CHRNB2: variants seen among roughly 807,000 people sequenced by gnomAD.
The protein encoded by CHRNB2 is neuronal acetylcholine receptor subunit beta-2.
In CHRNB2, 33 loss-of-function variants were observed where a neutral mutation model predicts 42.7. The ratio of observed to expected loss-of-function variants is 0.77; its 90% CI spans 0.59 to 1.03. The LOEUF (loss-of-function observed/expected upper bound fraction) is 1.03. Among genes scored for constraint, CHRNB2 ranks in the 50% least tolerant of loss-of-function variants. The pLI, the probability that CHRNB2 is intolerant of heterozygous loss-of-function variation, is 0.00. For missense variants in CHRNB2, 603 were observed against 700.9 expected, an observed-to-expected ratio of 0.86 and a Z score of 1.58; for synonymous variants, 325 against 292.9, an observed-to-expected ratio of 1.11 and a Z score of -1.12.
Position 154,571,683 on chromosome 1 carries a change from TG to T in CHRNB2, c.861del (p.Pro288LeufsTer48). 11 of 1,612,116 alleles carry T rather than the reference TG, an allele frequency of 6.8e-6. No homozygotes were observed. The highest frequency in any genetic ancestry group is 9.3e-6 in the Non-Finnish European group (11 of 1,179,090). ...TVFLLLISKI[V>X]PPTSLDVPLV... ...TTCCTGCTGCTCATCTCCAAGATCG[TG>T]CCTCCCACCTCCCTCGACGTGCCGC... On this transcript the variant is annotated frameshift_variant, in exon 5 of 6. Transcript: ENST00000368476. LOFTEE classifies it high-confidence loss of function. The surrounding 1 kb of genome is among the most constrained non-coding windows in gnomAD (Gnocchi z 6.8).
In CHRNB2 at chr1:154,569,892, T is replaced by C. The variant is rs1445707232; in HGVS notation, c.255+56T>C. On this transcript the variant is annotated intron_variant, in intron 3 of 5. Coordinates refer to ENST00000368476, the MANE Select transcript of CHRNB2 (RefSeq NM_000748.3). ...CCCTGGCCTTCTCTCTCCTCCTTTT[T>C]CCCCATGTGCTTTTTTCTTTCTTAA... The C allele has an allele frequency of 1.6e-5, 26 of 1,596,828 alleles. No individual in the cohort carries two copies. The South Asian group carries it at 2.5e-4, about 16-fold the overall frequency.
rs200963221 is a variant in CHRNB2 at position 154,576,036 on chromosome 1, C to T, written c.*104C>T. 64 of 1,428,990 alleles carry T rather than the reference C, an allele frequency of 4.5e-5. 1 individual carries two copies. In the East Asian group the frequency reaches 9.6e-4, roughly 21 times the overall value. 88.5% of individuals were successfully genotyped at this position (1,428,990 alleles called of 1,614,324 possible). A position where few individuals can be genotyped will look rare whatever the true frequency, so the allele number is the denominator to read the frequency against. On this transcript the variant is annotated 3_prime_UTR_variant, in exon 6 of 6. Coordinates refer to ENST00000368476, the MANE Select transcript of CHRNB2 (RefSeq NM_000748.3). Reference sequence around the variant, plus strand: ...AGCTACCAGGAAGAGGGGCGCTGCCCCCACAGATCCATCCTTTTGCTTCAT... The same window carrying T: ...AGCTACCAGGAAGAGGGGCGCTGCCTCCACAGATCCATCCTTTTGCTTCAT...
In CHRNB2 at chr1:154,569,619, T is replaced by A. The variant is rs1292973756; in HGVS notation, c.210+12T>A. The A allele has an allele frequency of 6.2e-7, 1 of 1,613,860 alleles. No individual in the cohort carries two copies. Among genetic ancestry groups the A allele is most frequent in the East Asian group, 2.2e-5 (1 of 44,892 alleles). ...AGCTCATCAGTGTGGTGAGTAGAGG[T>A]CCCAGGCTCTCTGCCCAGCTACTGA... On this transcript the variant is annotated intron_variant, in intron 2 of 5. Transcript: ENST00000368476.
In CHRNB2 at chr1:154,567,909, C is replaced by T. The variant is rs923888496; in HGVS notation, c.-136C>T. 7.1e-6 allele frequency: 5 copies of T among 709,184 alleles called. No homozygotes were observed. Among genetic ancestry groups the T allele is most frequent in the Non-Finnish European group, 1.0e-5 (5 of 481,500 alleles). The allele number at this position is 709,184 out of a possible 1,614,324, so 43.9% of individuals were successfully genotyped here. ...CGGCTCCCTGAGGCCCAGGAACCAC[C>T]GCGGCGGCCGGCACCACCTGGACCC... On this transcript the variant is annotated 5_prime_UTR_variant, in exon 1 of 6. Transcript: ENST00000368476.
intron 5 of CHRNB2, among the ~76,000 whole-genome samples, chr1:154,572,624 T>C (rs954168780): frequency 6.6e-6 from 1 of 151,850 alleles, no homozygotes; most frequent in African/African-American, 2.4e-5. Context: ...GGGGGCAACA[T>C]TGAGGACAGT....
At chr1:154,569,886 C>T in intron 3 of CHRNB2, 50 bp downstream of exon 3, 1 of 1,603,392 alleles carries the variant, frequency 6.2e-7, no homozygotes, top group Non-Finnish European at 8.5e-7. Context: ...TCTCTCTCCT[C>T]CTTTTTCCCC....
chr1:154,572,104 G>T lies in CHRNB2; in HGVS notation c.1281G>T (p.Ala427=). The T allele has an allele frequency of 1.3e-6, 2 of 1,536,904 alleles. No homozygotes were observed. Among genetic ancestry groups the T allele is most frequent in the Non-Finnish European group, 1.7e-6 (2 of 1,146,604 alleles). Residue 427 remains alanine (A), a synonymous_variant, in exon 5 of 6, where the codon GCG becomes GCT. Coordinates refer to ENST00000368476, the MANE Select transcript of CHRNB2 (RefSeq NM_000748.3). ...CGTGTGGCTGTGGCCTCCGGGAGGCGGTGGACGGCGTGCGCTTCATCGCAG... is the reference window on the plus strand; with the variant it reads ...CGTGTGGCTGTGGCCTCCGGGAGGCTGTGGACGGCGTGCGCTTCATCGCAG... The part of the protein sequence containing the change: ...GEPCGCGLRE[A]VDGVRFIADH...
At chr1:154,573,911 G>A (rs1696221791) in intron 5 of CHRNB2, among the ~76,000 whole-genome samples, 1 of 152,112 alleles carries the variant, frequency 6.6e-6, no homozygotes, top group Admixed American at 6.5e-5. Flanking sequence ...ACCACGCCCA[G>A]CTAATTTTTT....
At position 154,576,157 on chromosome 1, in the gene CHRNB2, G is replaced by T. The variant is rs1240068700; in HGVS notation, c.*225G>T. On this transcript the variant is annotated 3_prime_UTR_variant, in exon 6 of 6. Transcript: ENST00000368476. ...TTGTTTTGGCTGCTCTCCATCTCTTGTACCAGCCCAGGCAATAGTGTTGAG... is the reference window on the plus strand; with the variant it reads ...TTGTTTTGGCTGCTCTCCATCTCTTTTACCAGCCCAGGCAATAGTGTTGAG... 4 of 600,574 alleles carry T rather than the reference G, an allele frequency of 6.7e-6. No individual in the cohort carries two copies. The African/African-American group carries it at 7.3e-5, about 11-fold the overall frequency. 37.2% of individuals were successfully genotyped at this position (600,574 alleles called of 1,614,324 possible). A position where few individuals can be genotyped will look rare whatever the true frequency, so the allele number is the denominator to read the frequency against.
chr1:154,571,362 G>T lies in CHRNB2; in HGVS notation c.539G>T (p.Arg180Leu). The T allele has an allele frequency of 4.3e-6, 7 of 1,614,200 alleles. No homozygotes were observed. Among genetic ancestry groups the T allele is most frequent in the Non-Finnish European group, 5.1e-6 (6 of 1,180,042 alleles). ...AAGTTCCGTTCGTGGACCTACGACC[G>T]CACAGAGATCGACTTGGTGCTGAAG... ...TMKFRSWTYD[R>L]TEIDLVLKSE... The change falls in exon 5 of 6, where the codon CGC becomes CTC. Residue 180 changes from arginine (R) to leucine (L), a missense_variant. Transcript: ENST00000368476. This position sits in a 1 kb window ranked among gnomAD's most constrained non-coding sequence, Gnocchi z 6.8.
rs1696265887 is a variant in CHRNB2 at position 154,575,978 on chromosome 1, G to A, written c.*46G>A. ...CTCTTTCACCCTGCCACCCTCTGCT[G>A]CACAGTAGTGTTGGGTGGAGGATGG... On this transcript the variant is annotated 3_prime_UTR_variant, in exon 6 of 6. Transcript: ENST00000368476. 1 of 1,608,976 alleles carries A rather than the reference G, an allele frequency of 6.2e-7. No individual in the cohort carries two copies.
In CHRNB2 at chr1:154,571,746, T is replaced by C. The variant is rs281865070; in HGVS notation, c.923T>C (p.Val308Ala). Residue 308 changes from valine to alanine, a missense_variant, in exon 5 of 6, where the codon GTC (valine) becomes GCC (alanine). Physicochemically the swap from Val to Ala is moderately conservative, Grantham distance 64. This residue lies in a region of CHRNB2 where 333 missense variants were observed against 452.6 expected (regional missense o/e 0.74). Transcript: ENST00000368476. The surrounding 1 kb of genome is among the most constrained non-coding windows in gnomAD (Gnocchi z 6.8). ...GKYLMFTMVL[V>A]TFSIVTSVCV... ...TACCTCATGTTCACCATGGTGCTTG[T>C]CACCTTCTCCATCGTCACCAGCGTG... 4 of 1,614,220 alleles carry C rather than the reference T, an allele frequency of 2.5e-6. No homozygotes were observed. The highest frequency in any genetic ancestry group is 3.4e-6 in the Non-Finnish European group (4 of 1,180,034).
In CHRNB2 at chr1:154,571,188, G is replaced by C; in HGVS notation, c.366-1G>C. The C allele has an allele frequency of 6.2e-7, 1 of 1,614,148 alleles. No homozygotes were observed. The highest frequency in any genetic ancestry group is 8.5e-7 in the Non-Finnish European group (1 of 1,180,032). ...GGCTGACTGTGCCCATCCTTTGGCAGTGCTGACGGCATGTACGAGGTGTCC... is the reference window on the plus strand; with the variant it reads ...GGCTGACTGTGCCCATCCTTTGGCACTGCTGACGGCATGTACGAGGTGTCC... On this transcript the variant is annotated splice_acceptor_variant, in intron 4 of 5. Transcript: ENST00000368476. LOFTEE classifies it high-confidence loss of function. This position sits in a 1 kb window ranked among gnomAD's most constrained non-coding sequence, Gnocchi z 6.8.
Position 154,571,400 on chromosome 1 carries a change from A to T in CHRNB2, c.577A>T (p.Ser193Cys). Residue 193 changes from serine (S) to cysteine (C), a missense_variant, in exon 5 of 6, where the codon AGC becomes TGC. Coordinates refer to ENST00000368476, the MANE Select transcript of CHRNB2 (RefSeq NM_000748.3). This position sits in a 1 kb window ranked among gnomAD's most constrained non-coding sequence, Gnocchi z 6.8. The stretch of plus-strand genomic sequence containing the variant: ...CTTGGTGCTGAAGAGTGAGGTGGCC[A>T]GCCTGGACGACTTCACACCTAGTGG... ...IDLVLKSEVA[S>C]LDDFTPSGEW... 6.2e-7 allele frequency: 1 copy of T among 1,614,226 alleles called. No homozygotes were observed.
In CHRNB2 at chr1:154,579,857, C is replaced by T. The variant is rs878856253; in HGVS notation, c.*3925C>T. The T allele has an allele frequency of 6.6e-6, 1 of 152,264 alleles. No individual in the cohort carries two copies. Among genetic ancestry groups the T allele is most frequent in the East Asian group, 1.9e-4 (1 of 5,196 alleles). The allele number at this position is 152,264 out of a possible 1,614,324, so 9.4% of individuals were successfully genotyped here. A position where few individuals can be genotyped will look rare whatever the true frequency, so the allele number is the denominator to read the frequency against. On this transcript the variant is annotated 3_prime_UTR_variant, in exon 6 of 6. Transcript: ENST00000368476. ...AGACTCATTAGGAACTCAAGATTCT[C>T]GTAAAGAAAGTTGTTTCCAAAGTTG...
chr1:154,573,997 G>A (rs1200410865), intron 5 of CHRNB2, among the ~76,000 whole-genome samples: 8 of 152,112 alleles, frequency 5.3e-5, no homozygotes, highest in African/African-American at 1.2e-4. Flanking sequence ...TGATCCACCC[G>A]CCTCAGTCTC....
intron 5 of CHRNB2, among the ~76,000 whole-genome samples, chr1:154,572,544 C>A (rs1218572223): frequency 6.6e-6 from 1 of 152,006 alleles, no homozygotes; most frequent in Non-Finnish European, 1.5e-5. Context: ...GCTTGCATGC[C>A]CACATCCAAG....
rs1696264044 is a variant in CHRNB2 at position 154,575,901 on chromosome 1, A to C, written c.1478A>C (p.His493Pro). ...FQNYTTTTFL[H>P]SDHSAPSSK ...AACTACACCACCACCACCTTCCTCC[A>C]CTCAGACCACTCAGCCCCCAGCTCC... is the stretch of plus-strand genomic sequence containing the variant. Residue 493 changes from histidine (H) to proline (P), a missense_variant, in exon 6 of 6, where the codon CAC (histidine) becomes CCC (proline). By Grantham distance (77) the His-to-Pro change is moderately conservative. Transcript: ENST00000368476. 6.2e-7 allele frequency: 1 copy of C among 1,613,744 alleles called. No homozygotes were observed. Among genetic ancestry groups the C allele is most frequent in the Non-Finnish European group, 8.5e-7 (1 of 1,179,942 alleles).
intron 5 of CHRNB2, among the ~76,000 whole-genome samples, chr1:154,572,648 A>G (rs1696199796): frequency 6.6e-6 from 1 of 151,886 alleles, no homozygotes; most frequent in African/African-American, 2.4e-5. Context: ...AGTGGTGTGT[A>G]TTGGGGGAGG....
Sources: gnomAD v4.1 joint callset for allele counts (sites outside exome capture counted in the v4.1 genomes callset) on GRCh38, gnomAD v4.1.1 for gene constraint, gnomAD v4.1.1 regional missense constraint, Gnocchi (gnomAD v3.1) non-coding constraint, MANE v1.5 for transcripts, NCBI Gene and HGNC (gene_info 2026-07-23, HGNC 2026-07-21) for gene names.